The following ARMC8 variants were observed in gnomAD, a reference collection of about 807,000 sequenced individuals.
ARMC8 encodes armadillo repeat containing 8, also known as armadillo repeat-containing protein 8.
Under a neutral mutation model 99.3 loss-of-function variants are expected in ARMC8, and 20 were observed. The ratio of observed to expected loss-of-function variants is 0.20; its 90% CI spans 0.14 to 0.29. ARMC8 has a LOEUF of 0.29. ARMC8 is among the 10% of genes least tolerant of loss of function. The pLI is 1.00. For missense variants in ARMC8, 569 were observed against 809.5 expected (o/e 0.70, Z 3.60); for synonymous variants, 263 against 278.3 (o/e 0.95, Z 0.55).
At chr3:138,269,799 T>C (rs1166327459) in intron 15 of ARMC8, among the ~76,000 whole-genome samples, 3 of 148,204 alleles carry the variant, frequency 2.0e-5, no homozygotes, top group South Asian at 2.1e-4. Flanking sequence ...AATGACAGAG[T>C]GGTTTGGTTT....
chr3:138,238,286 C>G (rs2046434342), intron 9 of ARMC8: 5 of 152,228 alleles, frequency 3.3e-5, no homozygotes, highest in Non-Finnish European at 7.3e-5. Flanking sequence ...AGGCTGGTCT[C>G]AAACTCCTGA....
At chr3:138,254,644 A>G (rs142429420) in intron 12 of ARMC8, among the ~76,000 whole-genome samples, 1 of 152,350 alleles carries the variant, frequency 6.6e-6, no homozygotes, top group African/African-American at 2.4e-5. Context: ...AATTGAACTC[A>G]TAGAGAAATA....
At chr3:138,263,894 TGAGTAAACACA>T in intron 13 of ARMC8, 73 bp downstream of exon 13, 1 of 1,307,670 alleles carries the variant, frequency 7.6e-7, no homozygotes. Context: ...GGTCCTTCAC[TGAGTAAACACA>T]GACTACAAAT....
intron 1 of ARMC8, among the ~76,000 whole-genome samples, chr3:138,202,689 A>G (rs553378779): frequency 4.6e-5 from 7 of 152,200 alleles, no homozygotes; most frequent in Non-Finnish European, 1.0e-4. Context: ...TAAAATTCAT[A>G]CCTAAGTCTT....
chr3:138,240,402 C>T (rs1384121339), intron 10 of ARMC8, among the ~76,000 whole-genome samples: 1 of 152,198 alleles, frequency 6.6e-6, no homozygotes, highest in African/African-American at 2.4e-5. Flanking sequence ...AAGTAAACAA[C>T]TCTTCATAGA....
At chr3:138,187,742 G>A (rs2043145145) in intron 1 of ARMC8, 143 bp downstream of exon 1, 5 of 902,038 alleles carry the variant, frequency 5.5e-6, no homozygotes, top group Admixed American at 2.6e-5. Flanking sequence ...AGTGAGCGAG[G>A]GTGGAGAGGC....
chr3:138,264,054 T>C, intron 13 of ARMC8, 77 bp from the exon 14 acceptor site: 1 of 1,362,986 alleles, frequency 7.3e-7, no homozygotes. Flanking sequence ...CATTAGTCAT[T>C]GTAAAATGCC....
At chr3:138,273,418 T>A (rs1352028425) in intron 17 of ARMC8, among the ~76,000 whole-genome samples, 1 of 152,204 alleles carries the variant, frequency 6.6e-6, no homozygotes, top group Non-Finnish European at 1.5e-5. Context: ...TCTTACCTGG[T>A]ATGCTGTCCA....
chr3:138,248,515 A>C (rs1399105394), intron 12 of ARMC8, among the ~76,000 whole-genome samples: 3 of 152,232 alleles, frequency 2.0e-5, no homozygotes, highest in Non-Finnish European at 2.9e-5. Context: ...AAATGGAAGA[A>C]GTTAAGATAC....
chr3:138,231,993 T>C (rs1359560268), intron 6 of ARMC8, among the ~76,000 whole-genome samples: 1 of 106,800 alleles, frequency 9.4e-6, no homozygotes, highest in African/African-American at 3.7e-5. Flanking sequence ...TTTTTTGAGA[T>C]GGAGTCTCGC....
intron 6 of ARMC8, among the ~76,000 whole-genome samples, chr3:138,232,903 C>T (rs2046130122): frequency 6.6e-6 from 1 of 152,196 alleles, no homozygotes; most frequent in Non-Finnish European, 1.5e-5. Flanking sequence ...GCCTACTTCG[C>T]TTTTGCTAAG....
intron 13 of ARMC8, 151 bp from the exon 14 acceptor site, chr3:138,263,980 C>T (rs1354312125): frequency 3.2e-6 from 3 of 930,806 alleles, no homozygotes; most frequent in African/African-American, 3.3e-5. Flanking sequence ...GAGAGCCTGG[C>T]CTCCAAACCC....
chr3:138,294,902 CT>C (rs761552356), intron 21 of ARMC8, among the ~76,000 whole-genome samples: 262 of 141,822 alleles, frequency 1.8e-3, no homozygotes, highest in Non-Finnish European at 1.7e-3. Context: ...GTTTTTTGTT[CT>C]TTTTTTTTTT....
chr3:138,279,673 C>A (rs537512100), intron 18 of ARMC8, among the ~76,000 whole-genome samples: 1 of 152,074 alleles, frequency 6.6e-6, no homozygotes, highest in Non-Finnish European at 1.5e-5. Context: ...GATACGATGA[C>A]CGTTTTGTGG....
intron 12 of ARMC8, among the ~76,000 whole-genome samples, chr3:138,255,996 GAAACA>G (rs1222576481): frequency 6.6e-6 from 1 of 152,130 alleles, no homozygotes; most frequent in Non-Finnish European, 1.5e-5. Context: ...GAAGAAGAAA[GAAACA>G]AAACAAAACT....
In ARMC8 at chr3:138,281,958, C is replaced by T. The variant is rs1232975433; in HGVS notation, c.1726-2473C>T. On this transcript the variant is annotated intron_variant, in intron 18 of 21. Transcript: ENST00000469044. ...TTCCATTACTTCCTCTTAAGCTGCT[C>T]TGGCCAACCCATAGGATTGAGTCTT... Among the ~76,000 whole-genome samples, 10 of 152,152 alleles carry T rather than the reference C, an allele frequency of 6.6e-5. 1 individual carries two copies. The highest frequency in any genetic ancestry group is 5.9e-4 in the Admixed American group (9 of 15,280).
chr3:138,289,072 C>T lies in ARMC8; in HGVS notation c.1846C>T (p.Leu616Phe). 1.9e-6 allele frequency: 3 copies of T among 1,613,202 alleles called. No homozygotes were observed. The highest frequency in any genetic ancestry group is 2.5e-6 in the Non-Finnish European group (3 of 1,179,486). ...YMGHSHVKLQ[L>F]AAMFCISNLI... Reference sequence around the variant, plus strand: ...GGGCCATTCACATGTTAAACTGCAGCTTGCAGCCATGTTTTGTATATCAAA... The same window carrying T: ...GGGCCATTCACATGTTAAACTGCAGTTTGCAGCCATGTTTTGTATATCAAA... Residue 616 changes from leucine to phenylalanine, a missense_variant, in exon 20 of 22, where the codon CTT becomes TTT. This residue lies in a region of ARMC8 where 227 missense variants were observed against 417.9 expected (regional missense o/e 0.54). Coordinates refer to ENST00000469044, the MANE Select transcript of ARMC8 (RefSeq NM_001363941.2).
intron 5 of ARMC8, among the ~76,000 whole-genome samples, chr3:138,226,821 G>A (rs892952286): frequency 1.3e-5 from 2 of 152,114 alleles, no homozygotes; most frequent in South Asian, 4.1e-4. Flanking sequence ...TCTGATCTAT[G>A]CCAGCTGTTT....
At chr3:138,259,423 A>G (rs1010916998) in intron 12 of ARMC8, among the ~76,000 whole-genome samples, 26 of 152,332 alleles carry the variant, frequency 1.7e-4, no homozygotes, top group African/African-American at 6.3e-4. Context: ...CATGCCCTCA[A>G]GCTTGCAAAA....
Sources: gnomAD v4.1 joint callset for allele counts (sites outside exome capture counted in the v4.1 genomes callset) on GRCh38, gnomAD v4.1.1 for gene constraint, gnomAD v4.1.1 regional missense constraint, MANE v1.5 for transcripts, NCBI Gene and HGNC (gene_info 2026-07-23, HGNC 2026-07-21) for gene names.